The following SLC30A1 variants were observed in gnomAD, a reference collection of about 807,000 sequenced individuals.
SLC30A1 encodes proton-coupled zinc antiporter SLC30A1.
A neutral mutation model predicts 29.8 loss-of-function variants in SLC30A1; 7 were observed. The ratio of observed to expected loss-of-function variants is 0.23; its 90% CI spans 0.13 to 0.44. The LOEUF is 0.44. Ranked by LOEUF, SLC30A1 falls within the 20% of genes least tolerant of loss-of-function variation. SLC30A1 has a pLI of 1.00. For synonymous variants in SLC30A1, 254 were observed against 253.5 expected (o/e 1.00, Z -0.02); for missense variants, 446 against 647.9 (o/e 0.69, Z 3.38).
chr1:211,577,876 C>T lies in SLC30A1; in HGVS notation c.622+115G>A. On this transcript the variant is annotated intron_variant, in intron 1 of 1. Coordinates refer to ENST00000367001, the MANE Select transcript of SLC30A1 (RefSeq NM_021194.3). This position sits in a 1 kb window ranked among gnomAD's most constrained non-coding sequence, Gnocchi z 4.5. Reference sequence around the variant, plus strand: ...ACGGGGAGGGAGCAGGCAGGGGCGGCGCGGCGCAGGCCCGCTCGGGCAGCA... The same window carrying T: ...ACGGGGAGGGAGCAGGCAGGGGCGGTGCGGCGCAGGCCCGCTCGGGCAGCA... 7.3e-7 allele frequency: 1 copy of T among 1,378,420 alleles called. No individual in the cohort carries two copies. Among genetic ancestry groups the T allele is most frequent in the Non-Finnish European group, 9.7e-7 (1 of 1,031,052 alleles). The allele number at this position is 1,378,420 out of a possible 1,614,324, so 85.4% of individuals were successfully genotyped here. A position where few individuals can be genotyped will look rare whatever the true frequency, so the allele number is the denominator to read the frequency against.
In SLC30A1 at chr1:211,573,466, T is replaced by C. The variant is rs1427755022; in HGVS notation, c.*1922A>G. 6.6e-6 allele frequency: 1 copy of C among 152,072 alleles called. No individual in the cohort carries two copies. Among genetic ancestry groups the C allele is most frequent in the Non-Finnish European group, 1.5e-5 (1 of 67,900 alleles). The allele number at this position is 152,072 out of a possible 1,614,324, so 9.4% of individuals were successfully genotyped here. A position where few individuals can be genotyped will look rare whatever the true frequency, so the allele number is the denominator to read the frequency against. ...CATTTGTAAAGAAAACCTCATTGAA[T>C]GTAATATATTTTATCAGTTATCTTT... On this transcript the variant is annotated 3_prime_UTR_variant, in exon 2 of 2. Transcript: ENST00000367001.
rs1218223967 is a variant in SLC30A1 at position 211,577,593 on chromosome 1, G to A, written c.622+398C>T. 6.6e-6 allele frequency among the ~76,000 whole-genome samples: 1 copy of A among 152,180 alleles called. No individual in the cohort carries two copies. Among genetic ancestry groups the A allele is most frequent in the African/African-American group, 2.4e-5 (1 of 41,440 alleles). ...GGGGATTCTCTCCGTTTCCCAAGAG[G>A]GCCAAGGAATTGAATTGGGAAGCAT... On this transcript the variant is annotated intron_variant, in intron 1 of 1. Coordinates refer to ENST00000367001, the MANE Select transcript of SLC30A1 (RefSeq NM_021194.3). The surrounding 1 kb of genome is among the most constrained non-coding windows in gnomAD (Gnocchi z 4.5).
In SLC30A1 at chr1:211,576,244, T is replaced by C; in HGVS notation, c.668A>G (p.Asn223Ser). Residue 223 changes from asparagine to serine, a missense_variant, in exon 2 of 2, where the codon AAT becomes AGT. Around this residue, in one of 5 missense-constraint regions of SLC30A1, gnomAD observed 159 missense variants for 161.1 expected, o/e 0.99. Transcript: ENST00000367001. ...GTCAGGTTCTCTGACAAGATTTCCA[T>C]TCACTTGTACTTCCACTGTATCACC... ...RSGDTVEVQV[N>S]GNLVREPDHM... 1 of 1,611,834 alleles carries C rather than the reference T, an allele frequency of 6.2e-7. No individual in the cohort carries two copies. Among genetic ancestry groups the C allele is most frequent in the Non-Finnish European group, 8.5e-7 (1 of 1,179,382 alleles).
rs780314745 is a variant in SLC30A1, at chr1:211,576,186, T to C, written c.726A>G (p.Gln242=). 1.2e-6 allele frequency: 2 copies of C among 1,613,860 alleles called. No homozygotes were observed. Among genetic ancestry groups the C allele is most frequent in the Non-Finnish European group, 1.7e-6 (2 of 1,179,954 alleles). The stretch of plus-strand genomic sequence containing the variant: ...GCAGAAAAACTCCACGCATGTTAAG[T>C]TGTCCAGCCCTATCTTCTTCCAGTT... ...HMELEEDRAG[Q]LNMRGVFLHV... The change falls in exon 2 of 2, where the codon CAA becomes CAG. Residue 242 remains glutamine (Q), a synonymous_variant. Coordinates refer to ENST00000367001, the MANE Select transcript of SLC30A1 (RefSeq NM_021194.3).
chr1:211,578,406 C>T lies in SLC30A1; in HGVS notation c.207G>A (p.Lys69=). ...RFARRTHATQ[K]NTFGWIRAEV... is the part of the protein sequence containing the mutation. The stretch of plus-strand genomic sequence containing the variant: ...CGGCTCGGATCCAGCCGAACGTGTT[C>T]TTCTGGGTGGCGTGGGTCCGCCGGG... Residue 69 remains lysine, a synonymous_variant, in exon 1 of 2, where the codon AAG becomes AAA. Coordinates refer to ENST00000367001, the MANE Select transcript of SLC30A1 (RefSeq NM_021194.3). 1 of 1,613,522 alleles carries T rather than the reference C, an allele frequency of 6.2e-7. No homozygotes were observed. The highest frequency in any genetic ancestry group is 8.5e-7 in the Non-Finnish European group (1 of 1,179,844).
Position 211,575,230 on chromosome 1 carries a change from CT to C in SLC30A1, c.*157del. On this transcript the variant is annotated 3_prime_UTR_variant, in exon 2 of 2. Coordinates refer to ENST00000367001, the MANE Select transcript of SLC30A1 (RefSeq NM_021194.3). The surrounding 1 kb of genome is among the most constrained non-coding windows in gnomAD (Gnocchi z 6.0). ...AATCACAAAATTGTAATATAGAACTCTGTTATGCAGTCCCATTATGTTCTTA... is the reference window on the plus strand; with the variant it reads ...AATCACAAAATTGTAATATAGAACTCGTTATGCAGTCCCATTATGTTCTTA... The C allele has an allele frequency of 1.5e-6, 1 of 652,706 alleles. No individual in the cohort carries two copies. The highest frequency in any genetic ancestry group is 2.7e-6 in the Non-Finnish European group (1 of 377,082). 40.4% of individuals were successfully genotyped at this position (652,706 alleles called of 1,614,324 possible). A position where few individuals can be genotyped will look rare whatever the true frequency, so the allele number is the denominator to read the frequency against.
chr1:211,577,980 T>C lies in SLC30A1; in HGVS notation c.622+11A>G. The C allele has an allele frequency of 1.2e-6, 2 of 1,612,472 alleles. No individual in the cohort carries two copies. The highest frequency in any genetic ancestry group is 8.5e-7 in the Non-Finnish European group (1 of 1,179,726). On this transcript the variant is annotated intron_variant, in intron 1 of 1. Coordinates refer to ENST00000367001, the MANE Select transcript of SLC30A1 (RefSeq NM_021194.3). The surrounding 1 kb of genome is among the most constrained non-coding windows in gnomAD (Gnocchi z 4.5). ...ACCCAACCACCTGCGGCAGCGACTT[T>C]CCCGGCTCACCTGCGGGGTCCAATT...
At position 211,576,190 on chromosome 1, in the gene SLC30A1, C is replaced by A; in HGVS notation, c.722G>T (p.Gly241Val). Residue 241 changes from glycine (G) to valine (V), a missense_variant, in exon 2 of 2, where the codon GGA (glycine) becomes GTA (valine). Coordinates refer to ENST00000367001, the MANE Select transcript of SLC30A1 (RefSeq NM_021194.3). Reference protein sequence around the residue: ...DHMELEEDRAGQLNMRGVFLH... With the variant: ...DHMELEEDRAVQLNMRGVFLH... ...AAAAACTCCACGCATGTTAAGTTGT[C>A]CAGCCCTATCTTCTTCCAGTTCCAT... is the stretch of plus-strand genomic sequence containing the variant. The A allele has an allele frequency of 6.2e-7, 1 of 1,613,670 alleles. No individual in the cohort carries two copies. Among genetic ancestry groups the A allele is most frequent in the Non-Finnish European group, 8.5e-7 (1 of 1,179,922 alleles).
In SLC30A1 at chr1:211,577,051, C is replaced by A. The variant is rs995338798; in HGVS notation, c.623-762G>T. ...AGAGGAAAACCAATTACTTATTAAACCTTTCCAATGTACAACTTGAATTTC... is the reference window on the plus strand; with the variant it reads ...AGAGGAAAACCAATTACTTATTAAAACTTTCCAATGTACAACTTGAATTTC... On this transcript the variant is annotated intron_variant, in intron 1 of 1. Coordinates refer to ENST00000367001, the MANE Select transcript of SLC30A1 (RefSeq NM_021194.3). This position sits in a 1 kb window ranked among gnomAD's most constrained non-coding sequence, Gnocchi z 4.5. Among the ~76,000 whole-genome samples, 2 of 152,162 alleles carry A rather than the reference C, an allele frequency of 1.3e-5. No homozygotes were observed. Among genetic ancestry groups the A allele is most frequent in the African/African-American group, 4.8e-5 (2 of 41,434 alleles).
Position 211,578,116 on chromosome 1 carries a change from T to C in SLC30A1, c.497A>G (p.Lys166Arg). The C allele has an allele frequency of 1.2e-6, 2 of 1,609,948 alleles. No homozygotes were observed. The highest frequency in any genetic ancestry group is 1.7e-6 in the Non-Finnish European group (2 of 1,178,782). The change falls in exon 1 of 2, where the codon AAG becomes AGG. Residue 166 changes from lysine to arginine, a missense_variant. By Grantham distance (26) the Lys-to-Arg change is conservative. This residue lies in a region of SLC30A1 where 159 missense variants were observed against 161.1 expected (regional missense o/e 0.99). Transcript: ENST00000367001. ...GTCGCTGCTCCCGGGGCGGGTGCTC[T>C]TAACGCGAGGCCCCTTGGGGAGGCC... Reference protein sequence around the residue: ...GHGLPKGPRVKSTRPGSSDIN... With the variant: ...GHGLPKGPRVRSTRPGSSDIN...
In SLC30A1 at chr1:211,573,344, T is replaced by C. The variant is rs1195496072; in HGVS notation, c.*2044A>G. The C allele has an allele frequency of 3.3e-5, 5 of 152,076 alleles. No individual in the cohort carries two copies. Among genetic ancestry groups the C allele is most frequent in the Non-Finnish European group, 5.9e-5 (4 of 67,920 alleles). 9.4% of individuals were successfully genotyped at this position (152,076 alleles called of 1,614,324 possible). A position where few individuals can be genotyped will look rare whatever the true frequency, so the allele number is the denominator to read the frequency against. On this transcript the variant is annotated 3_prime_UTR_variant, in exon 2 of 2. Coordinates refer to ENST00000367001, the MANE Select transcript of SLC30A1 (RefSeq NM_021194.3). ...TTGAAAAACAAACAAACATAGCCCT[T>C]GTCCTATGCTTATATACCATTTTTT...
chr1:211,577,997 G>A lies in SLC30A1; in HGVS notation c.616C>T (p.Pro206Ser). 1.2e-6 allele frequency: 2 copies of A among 1,612,794 alleles called. No individual in the cohort carries two copies. Among genetic ancestry groups the A allele is most frequent in the Non-Finnish European group, 1.7e-6 (2 of 1,179,750 alleles). The change falls in exon 1 of 2, where the codon CCC (proline) becomes TCC (serine). Residue 206 changes from proline to serine, a missense_variant. Physicochemically the swap from Pro to Ser is moderately conservative, Grantham distance 74. Around this residue, in one of 5 missense-constraint regions of SLC30A1, gnomAD observed 159 missense variants for 161.1 expected, o/e 0.99. Transcript: ENST00000367001. This position sits in a 1 kb window ranked among gnomAD's most constrained non-coding sequence, Gnocchi z 4.5. Reference protein sequence around the residue: ...TSNSNGLKLDPADPENPRSGD... With the variant: ...TSNSNGLKLDSADPENPRSGD... ...AGCGACTTTCCCGGCTCACCTGCGG[G>A]GTCCAATTTCAGCCCGTTGGAGTTG...
In SLC30A1 at chr1:211,578,400, C is replaced by A. The variant is rs766991986; in HGVS notation, c.213G>T (p.Thr71=). 6.2e-7 allele frequency: 1 copy of A among 1,613,606 alleles called. No individual in the cohort carries two copies. Residue 71 remains threonine (T), a synonymous_variant, in exon 1 of 2, where the codon ACG becomes ACT. Coordinates refer to ENST00000367001, the MANE Select transcript of SLC30A1 (RefSeq NM_021194.3). ...TTACCTCGGCTCGGATCCAGCCGAACGTGTTCTTCTGGGTGGCGTGGGTCC... is the reference window on the plus strand; with the variant it reads ...TTACCTCGGCTCGGATCCAGCCGAAAGTGTTCTTCTGGGTGGCGTGGGTCC... ...ARRTHATQKN[T]FGWIRAEVMG...
Position 211,573,660 on chromosome 1 carries a change from C to T in SLC30A1, c.*1728G>A, listed in dbSNP as rs909897628. 6.6e-6 allele frequency: 1 copy of T among 151,978 alleles called. No homozygotes were observed. The highest frequency in any genetic ancestry group is 1.5e-5 in the Non-Finnish European group (1 of 67,894). The allele number at this position is 151,978 out of a possible 1,614,324, so 9.4% of individuals were successfully genotyped here. On this transcript the variant is annotated 3_prime_UTR_variant, in exon 2 of 2. Coordinates refer to ENST00000367001, the MANE Select transcript of SLC30A1 (RefSeq NM_021194.3). ...TTAAAAAAAACCACCCAAACCTTTT[C>T]GCAAAATTCAAGGTAACTATCAGTT...
At position 211,578,681 on chromosome 1, in the gene SLC30A1, G is replaced by A; in HGVS notation, c.-69C>T. 1 of 1,398,256 alleles carries A rather than the reference G, an allele frequency of 7.2e-7. No homozygotes were observed. The highest frequency in any genetic ancestry group is 9.3e-7 in the Non-Finnish European group (1 of 1,080,566). 86.6% of individuals were successfully genotyped at this position (1,398,256 alleles called of 1,614,324 possible). On this transcript the variant is annotated 5_prime_UTR_variant, in exon 1 of 2. Coordinates refer to ENST00000367001, the MANE Select transcript of SLC30A1 (RefSeq NM_021194.3). ...GCAGCGGCGGCGTTGGCGGGACGCG[G>A]AGGGTCGGCGACCGCGACACGGAGG... is the stretch of plus-strand genomic sequence containing the variant.
chr1:211,576,622 AT>A (rs928442650), intron 1 of SLC30A1, among the ~76,000 whole-genome samples: 26 of 152,238 alleles, frequency 1.7e-4, no homozygotes, highest in African/African-American at 6.3e-4. Context: ...AAAACATAAA[AT>A]TGAATGCTAA....
intron 1 of SLC30A1, among the ~76,000 whole-genome samples, chr1:211,576,595 T>C (rs73076915): frequency 1.9e-3 from 284 of 152,282 alleles, no homozygotes; most frequent in African/African-American, 6.5e-3. Flanking sequence ...TGCTATACTT[T>C]ATGGTATATA....
In SLC30A1 at chr1:211,577,132, A is replaced by G. The variant is rs185012093; in HGVS notation, c.623-843T>C. 1.4e-4 allele frequency among the ~76,000 whole-genome samples: 21 copies of G among 152,330 alleles called. No individual in the cohort carries two copies. The highest frequency in any genetic ancestry group is 5.8e-4 in the East Asian group (3 of 5,184). On this transcript the variant is annotated intron_variant, in intron 1 of 1. Transcript: ENST00000367001. This position sits in a 1 kb window ranked among gnomAD's most constrained non-coding sequence, Gnocchi z 4.5. The stretch of plus-strand genomic sequence containing the variant: ...AAATTATGTAGCATAATTTATAATG[A>G]TACAAGGTAAATAAACGTAAGTGAA...
chr1:211,578,226 C>A lies in SLC30A1; in HGVS notation c.387G>T (p.Leu129=). 1 of 1,611,564 alleles carries A rather than the reference C, an allele frequency of 6.2e-7. No homozygotes were observed. Among genetic ancestry groups the A allele is most frequent in the Non-Finnish European group, 8.5e-7 (1 of 1,179,322 alleles). ...TGTGATGGTGGAAGAGGCAGAGCCC[C>A]AGCACGTTGACCAGCAGCCCGGCCA... ...VGVAGLLVNV[L]GLCLFHHHSG... Residue 129 remains leucine, a synonymous_variant, in exon 1 of 2, where the codon CTG becomes CTT. Coordinates refer to ENST00000367001, the MANE Select transcript of SLC30A1 (RefSeq NM_021194.3).
Sources: gnomAD v4.1 joint callset for allele counts (sites outside exome capture counted in the v4.1 genomes callset) on GRCh38, gnomAD v4.1.1 for gene constraint, gnomAD v4.1.1 regional missense constraint, Gnocchi (gnomAD v3.1) non-coding constraint, MANE v1.5 for transcripts, NCBI Gene and HGNC (gene_info 2026-07-23, HGNC 2026-07-21) for gene names.